The following MAPT variants were observed in gnomAD, a reference collection of about 807,000 sequenced individuals.
MAPT encodes microtubule-associated protein tau.
Under a neutral mutation model 67.9 loss-of-function variants are expected in MAPT, and 34 were observed. The observed-to-expected ratio is 0.50, with a 90% CI of 0.38 to 0.67. The LOEUF is 0.67. MAPT is among the 30% of genes least tolerant of loss of function. MAPT has a pLI of 0.00. For missense variants in MAPT, 881 were observed against 1,115.2 expected (o/e 0.79, Z 2.99); for synonymous variants, 456 against 464.5 (o/e 0.98, Z 0.23).
chr17:45,997,380 G>A (rs963207251), intron 9 of MAPT, among the ~76,000 whole-genome samples: 10 of 152,202 alleles, frequency 6.6e-5, no homozygotes, highest in African/African-American at 1.7e-4. Flanking sequence ...CTCTGTGGCC[G>A]TGGGTAGCCA....
In MAPT at chr17:45,896,522, G is replaced by GA. The variant is rs1241907458; in HGVS notation, c.-18+1839dup. ...TGGGCGCAGAGGGGGGATTGCCATG[G>GA]AAACCACAGGTGTCCGGAGAGGGGA... On this transcript the variant is annotated intron_variant, in intron 1 of 12. Coordinates refer to ENST00000262410, the MANE Select transcript of MAPT (RefSeq NM_001377265.1). The surrounding 1 kb of genome is among the most constrained non-coding windows in gnomAD (Gnocchi z 5.6). 1 of 152,304 alleles carries GA rather than the reference G, an allele frequency of 6.6e-6. No homozygotes were observed. Among genetic ancestry groups the GA allele is most frequent in the East Asian group, 1.9e-4 (1 of 5,188 alleles). 9.4% of individuals were successfully genotyped at this position (152,304 alleles called of 1,614,324 possible). A position where few individuals can be genotyped will look rare whatever the true frequency, so the allele number is the denominator to read the frequency against.
intron 3 of MAPT, chr17:45,976,819 CTGTG>C (rs1470074777): frequency 6.6e-6 from 1 of 152,296 alleles, no homozygotes. Context: ...CAGCTCTGCA[CTGTG>C]TGTGACAGCA....
chr17:45,989,097 G>C (rs1052215892), intron 6 of MAPT, among the ~76,000 whole-genome samples: 1 of 151,662 alleles, frequency 6.6e-6, no homozygotes, highest in Non-Finnish European at 1.5e-5. Flanking sequence ...TGGTGGAAGA[G>C]GCCATGGGTT....
At chr17:45,939,499 T>C (rs902803616) in intron 1 of MAPT, among the ~76,000 whole-genome samples, 9 of 152,246 alleles carry the variant, frequency 5.9e-5, no homozygotes, top group African/African-American at 2.2e-4. Flanking sequence ...TTGAGGTGTT[T>C]AGATGTTTGT....
At chr17:45,918,217 T>G (rs1380652840) in intron 1 of MAPT, among the ~76,000 whole-genome samples, 1 of 152,240 alleles carries the variant, frequency 6.6e-6, no homozygotes, top group Non-Finnish European at 1.5e-5. Context: ...ACCTGGCTGG[T>G]CTGTTCTTGG....
Position 45,941,342 on chromosome 17 carries a change from T to G in MAPT, c.-17-20979T>G, listed in dbSNP as rs201103104. Reference sequence around the variant, plus strand: ...TTCCTTGATGATTTTGATGGTCTTTTCTTAAGGCTCTTGGAAGACCCAGAA... The same window carrying G: ...TTCCTTGATGATTTTGATGGTCTTTGCTTAAGGCTCTTGGAAGACCCAGAA... On this transcript the variant is annotated intron_variant, in intron 1 of 12. Transcript: ENST00000262410. 1.4e-4 allele frequency among the ~76,000 whole-genome samples: 21 copies of G among 152,276 alleles called. No individual in the cohort carries two copies. In the East Asian group the frequency reaches 4.1e-3, roughly 29 times the overall value.
intron 9 of MAPT, among the ~76,000 whole-genome samples, chr17:46,003,659 A>G (rs1422107224): frequency 2.0e-5 from 3 of 152,182 alleles, no homozygotes; most frequent in African/African-American, 7.2e-5. Flanking sequence ...TGTGGAATAA[A>G]TACAGTGAAT....
chr17:45,944,374 A>C (rs2068267643), intron 1 of MAPT, among the ~76,000 whole-genome samples: 2 of 152,196 alleles, frequency 1.3e-5, no homozygotes, highest in African/African-American at 4.8e-5. Context: ...CTCCACCTCC[A>C]AACTCAGGGG....
At chr17:45,899,248 G>T (rs2063470788) in intron 1 of MAPT, among the ~76,000 whole-genome samples, 1 of 152,160 alleles carries the variant, frequency 6.6e-6, no homozygotes, top group Non-Finnish European at 1.5e-5. Flanking sequence ...TGTGGGTAGA[G>T]GCCAGGAATG....
chr17:45,917,215 C>T (rs1050253939), intron 1 of MAPT, among the ~76,000 whole-genome samples: 2 of 152,224 alleles, frequency 1.3e-5, no homozygotes, highest in Non-Finnish European at 2.9e-5. Flanking sequence ...CTTTGATAAA[C>T]CATTCTGCTT....
At chr17:45,944,271 TTC>T (rs1187096739) in intron 1 of MAPT, among the ~76,000 whole-genome samples, 1 of 152,200 alleles carries the variant, frequency 6.6e-6, no homozygotes, top group East Asian at 1.9e-4. Context: ...CCACCAGGGC[TTC>T]TGACTCCAGT....
chr17:45,903,710 T>G (rs1369791413), intron 1 of MAPT, among the ~76,000 whole-genome samples: 2 of 90,900 alleles, frequency 2.2e-5, no homozygotes, highest in South Asian at 2.8e-4. Flanking sequence ...GCTAGACTTC[T>G]TCTCAAAAAA....
chr17:45,934,496 G>A (rs2144753185), intron 1 of MAPT, among the ~76,000 whole-genome samples: 1 of 152,134 alleles, frequency 6.6e-6, no homozygotes, highest in Non-Finnish European at 1.5e-5. Flanking sequence ...AATGTTGGCT[G>A]GACAGTTGCC....
intron 1 of MAPT, among the ~76,000 whole-genome samples, chr17:45,917,094 G>A (rs1383707556): frequency 5.9e-5 from 9 of 152,232 alleles, no homozygotes; most frequent in African/African-American, 1.2e-4. Context: ...TTACACATGC[G>A]TCCCCTCAGC....
At chr17:45,929,939 G>T (rs2066691818) in intron 1 of MAPT, among the ~76,000 whole-genome samples, 1 of 152,176 alleles carries the variant, frequency 6.6e-6, no homozygotes, top group Admixed American at 6.5e-5. Flanking sequence ...TCCAGTTCCT[G>T]CAATATCCAC....
At chr17:45,933,429 AG>A (rs1360631106) in intron 1 of MAPT, among the ~76,000 whole-genome samples, 2 of 152,030 alleles carry the variant, frequency 1.3e-5, no homozygotes, top group African/African-American at 4.8e-5. Flanking sequence ...TAGTAGAGGC[AG>A]GGTTTCACCA....
chr17:46,024,219 A>C lies in MAPT; in HGVS notation c.*48A>C. On this transcript the variant is annotated 3_prime_UTR_variant, in exon 13 of 13. Coordinates refer to ENST00000262410, the MANE Select transcript of MAPT (RefSeq NM_001377265.1). ...AATTGTGGAGAGGAGAGAATGAGAG[A>C]GTGTGGAAAAAAAAAGAATAATGAC... 6.5e-7 allele frequency: 1 copy of C among 1,538,156 alleles called. No individual in the cohort carries two copies. Among genetic ancestry groups the C allele is most frequent in the South Asian group, 1.1e-5 (1 of 89,524 alleles).
chr17:45,919,549 TC>T (rs1297955981), intron 1 of MAPT, among the ~76,000 whole-genome samples: 1 of 152,116 alleles, frequency 6.6e-6, no homozygotes, highest in South Asian at 2.1e-4. Flanking sequence ...GTTTCTACCT[TC>T]CCCTCCCTAC....
Position 45,995,548 on chromosome 17 carries a change from G to C in MAPT, c.1733-851G>C, listed in dbSNP as rs148015940. Among the ~76,000 whole-genome samples, 6 of 152,174 alleles carry C rather than the reference G, an allele frequency of 3.9e-5. No individual in the cohort carries two copies. The highest frequency in any genetic ancestry group is 5.9e-5 in the Non-Finnish European group (4 of 68,030). On this transcript the variant is annotated intron_variant, in intron 8 of 12. Coordinates refer to ENST00000262410, the MANE Select transcript of MAPT (RefSeq NM_001377265.1). The surrounding 1 kb of genome is among the most constrained non-coding windows in gnomAD (Gnocchi z 4.3). ...GTGTAACGGGGGCCTGGGAAGTGCA[G>C]TAACAGAAGCAAGTTTGAGGGTAAA...
Sources: allele counts gnomAD v4.1 joint callset (sites outside exome capture counted in the v4.1 genomes callset), GRCh38; gene constraint gnomAD v4.1.1; non-coding constraint Gnocchi (gnomAD v3.1); transcripts MANE v1.5; gene names NCBI Gene and HGNC (gene_info 2026-07-23, HGNC 2026-07-21).